The following EML6 variants were observed in gnomAD, a reference collection of about 807,000 sequenced individuals.
The protein encoded by EML6 is echinoderm microtubule-associated protein-like 6.
Under a neutral mutation model 240.1 loss-of-function variants are expected in EML6, and 154 were observed. That is an observed-to-expected ratio of 0.64 (90% CI 0.56 to 0.73). The LOEUF is 0.73. EML6 is among the 30% of genes least tolerant of loss of function. EML6 has a pLI of 0.00. For synonymous variants in EML6, 1,148 were observed against 899.0 expected (o/e 1.28, Z -4.95); for missense variants, 2,964 against 2,474.6 (o/e 1.20, Z -4.20).
intron 21 of EML6, 34 bp downstream of exon 21, chr2:54,895,434 C>T (rs1420771090): frequency 2.7e-5 from 42 of 1,549,408 alleles, no homozygotes; most frequent in Non-Finnish European, 3.7e-5. Context: ...CTGCAGTTCA[C>T]ATCAAGGCTG....
At chr2:54,730,572 G>A (rs78667279) in intron 2 of EML6, among the ~76,000 whole-genome samples, 6,094 of 152,264 alleles carry the variant, frequency 0.04, 137 homozygotes, top group Admixed American at 0.079. Flanking sequence ...CTGAGAAATG[G>A]CTCTGCGAGG....
At chr2:54,819,506 G>A (rs1023005018) in intron 4 of EML6, among the ~76,000 whole-genome samples, 25 of 152,154 alleles carry the variant, frequency 1.6e-4, no homozygotes, top group Non-Finnish European at 2.8e-4. Flanking sequence ...GGCCGGGCAC[G>A]GTGGCTCATG....
chr2:54,823,318 G>T (rs535558454), intron 5 of EML6, among the ~76,000 whole-genome samples: 1 of 152,122 alleles, frequency 6.6e-6, no homozygotes, highest in Non-Finnish European at 1.5e-5. Context: ...AGAACTAGGC[G>T]AGGGGTTGCA....
intron 26 of EML6, among the ~76,000 whole-genome samples, chr2:54,921,803 G>A (rs1282327476): frequency 6.6e-6 from 1 of 152,052 alleles, no homozygotes; most frequent in Non-Finnish European, 1.5e-5. Flanking sequence ...CTTTGACAAG[G>A]ATACCAAAAA....
chr2:54,849,985 T>A lies in EML6; in HGVS notation c.1211T>A (p.Ile404Asn), dbSNP rs1233696835. The A allele has an allele frequency of 1.3e-6, 2 of 1,551,444 alleles. No homozygotes were observed. Among genetic ancestry groups the A allele is most frequent in the Non-Finnish European group, 1.7e-6 (2 of 1,146,754 alleles). The change falls in exon 10 of 42, where the codon ATC becomes AAC. Residue 404 changes from isoleucine (I) to asparagine (N), a missense_variant. Physicochemically the swap from Ile to Asn is moderately radical, Grantham distance 149 (BLOSUM62 -3). Coordinates refer to ENST00000356458, the MANE Select transcript of EML6 (RefSeq NM_001039753.4). ...AGAGATATGACAGAAGTAGTTCACA[T>A]CAAAGATCGAAAAGAAGTCATTCAT... ...RVRDMTEVVHIKDRKEVIHEM... is the reference protein window; with the variant it reads ...RVRDMTEVVHNKDRKEVIHEM...
intron 7 of EML6, among the ~76,000 whole-genome samples, chr2:54,835,315 C>A (rs911729347): frequency 6.6e-6 from 1 of 152,168 alleles, no homozygotes. Context: ...TGCCTCCCAC[C>A]CACTTAGGAC....
intron 24 of EML6, among the ~76,000 whole-genome samples, chr2:54,904,965 C>G (rs963474306): frequency 4.6e-5 from 7 of 152,170 alleles, no homozygotes; most frequent in Non-Finnish European, 1.0e-4. Flanking sequence ...TTCAGCTTTA[C>G]AACATTCAGG....
Position 54,879,469 on chromosome 2 carries a change from C to T in EML6, c.2345-78C>T, listed in dbSNP as rs146188473. The T allele has an allele frequency of 3.3e-6, 3 of 904,254 alleles. No individual in the cohort carries two copies. The East Asian group carries it at 7.9e-5, about 24-fold the overall frequency. 56.0% of individuals were successfully genotyped at this position (904,254 alleles called of 1,614,324 possible). On this transcript the variant is annotated intron_variant, in intron 16 of 41. Transcript: ENST00000356458. ...ATTTATCAGTTCTTAAGATCAGTTA[C>T]TTATTCCTCTTTACAGTGTATGAAA... is the stretch of plus-strand genomic sequence containing the variant.
chr2:54,960,375 G>T, intron 35 of EML6, 41 bp downstream of exon 35: 1 of 1,465,148 alleles, frequency 6.8e-7, no homozygotes, highest in South Asian at 1.2e-5. Context: ...GCCAGGGAAG[G>T]GGGAAGTGTA....
chr2:54,867,928 A>T (rs1032492463), intron 14 of EML6: 5 of 152,016 alleles, frequency 3.3e-5, no homozygotes, highest in Admixed American at 6.6e-5. Context: ...AAGAAAAAAA[A>T]TTTTTCTGTG....
Position 54,903,403 on chromosome 2 carries a change from G to T in EML6, c.3310G>T (p.Asp1104Tyr). ...AAAATACCTTGCCGTGGCATCCCAT[G>T]ATAACTTTGTGGATATTTACAACGT... is the stretch of plus-strand genomic sequence containing the variant. ...TGKYLAVASH[D>Y]NFVDIYNVLT... Residue 1104 changes from aspartate to tyrosine, a missense_variant, in exon 24 of 42, where the codon GAT (aspartate) becomes TAT (tyrosine). Transcript: ENST00000356458. The T allele has an allele frequency of 1.3e-6, 2 of 1,551,750 alleles. No homozygotes were observed. Among genetic ancestry groups the T allele is most frequent in the East Asian group, 4.9e-5 (2 of 40,896 alleles).
intron 11 of EML6, among the ~76,000 whole-genome samples, chr2:54,855,721 C>G (rs1223851448): frequency 1.3e-5 from 2 of 152,152 alleles, no homozygotes. Flanking sequence ...AGCAAATGGA[C>G]TTGTGTTCTA....
intron 2 of EML6, among the ~76,000 whole-genome samples, chr2:54,737,817 A>T (rs1240484677): frequency 6.6e-6 from 1 of 152,126 alleles, no homozygotes; most frequent in Non-Finnish European, 1.5e-5. Context: ...ATGGCTTCTG[A>T]GTCCCTACTT....
chr2:54,926,013 G>GT (rs1333481872), intron 26 of EML6, among the ~76,000 whole-genome samples: 1 of 152,234 alleles, frequency 6.6e-6, no homozygotes, highest in African/African-American at 2.4e-5. Context: ...AAACTGAAAT[G>GT]TGAATGTAGG....
intron 2 of EML6, among the ~76,000 whole-genome samples, chr2:54,769,494 C>T (rs982334338): frequency 3.3e-5 from 5 of 152,198 alleles, no homozygotes; most frequent in Non-Finnish European, 7.3e-5. Context: ...GAAGCATATA[C>T]ATTTAAAATA....
In EML6 at chr2:54,853,828, T is replaced by C; in HGVS notation, c.1630T>C (p.Leu544=). 6.4e-7 allele frequency: 1 copy of C among 1,551,448 alleles called. No individual in the cohort carries two copies. Among genetic ancestry groups the C allele is most frequent in the Non-Finnish European group, 8.7e-7 (1 of 1,146,826 alleles). ...TGGAGATGATTTTGGACTGGTTAAA[T>C]TGTTTAAATTTCCTTGTCTCAAGAG... ...VSGDDFGLVK[L]FKFPCLKRGA... The change falls in exon 11 of 42, where the codon TTG becomes CTG. Residue 544 remains leucine, a synonymous_variant. Coordinates refer to ENST00000356458, the MANE Select transcript of EML6 (RefSeq NM_001039753.4).
At chr2:54,805,078 TG>T (rs1267430290) in intron 2 of EML6, among the ~76,000 whole-genome samples, 2 of 152,228 alleles carry the variant, frequency 1.3e-5, no homozygotes, top group Non-Finnish European at 2.9e-5. Flanking sequence ...AGTATTCCAC[TG>T]AATGCTCCAG....
chr2:54,859,924 C>T (rs1036725210), intron 12 of EML6, among the ~76,000 whole-genome samples: 3 of 152,146 alleles, frequency 2.0e-5, no homozygotes, highest in South Asian at 2.1e-4. Flanking sequence ...TTGAGCAGGA[C>T]GTCAGCAACG....
chr2:54,727,882 A>T (rs996456461), intron 2 of EML6, among the ~76,000 whole-genome samples: 86 of 152,216 alleles, frequency 5.6e-4, no homozygotes, highest in Non-Finnish European at 1.6e-4. Flanking sequence ...ATTTTATAAA[A>T]CCATGTGATC....
Sources: allele counts gnomAD v4.1 joint callset (sites outside exome capture counted in the v4.1 genomes callset), GRCh38; gene constraint gnomAD v4.1.1; transcripts MANE v1.5; gene names NCBI Gene and HGNC (gene_info 2026-07-23, HGNC 2026-07-21).